PTPRD: variants seen among roughly 807,000 people sequenced by gnomAD.
PTPRD encodes the protein receptor-type tyrosine-protein phosphatase delta.
In PTPRD, 34 loss-of-function variants were observed where a neutral mutation model predicts 214.5. That is an observed-to-expected ratio of 0.16 (90% CI 0.12 to 0.21). PTPRD has a LOEUF of 0.21. PTPRD is among the 10% of genes least tolerant of loss of function. PTPRD has a pLI of 1.00. For synonymous variants in PTPRD, 1,128 were observed against 845.7 expected, an observed-to-expected ratio of 1.33 and a Z score of -5.79; for missense variants, 2,545 against 2,398.7, an observed-to-expected ratio of 1.06 and a Z score of -1.27.
chr9:8,506,910 T>C (rs1430086773), intron 22 of PTPRD, among the ~76,000 whole-genome samples: 1 of 152,138 alleles, frequency 6.6e-6, no homozygotes, highest in Non-Finnish European at 1.5e-5. Flanking sequence ...CATTAACATA[T>C]AGAGCTAATT....
At chr9:10,324,291 T>C (rs1305900591) in intron 3 of PTPRD, among the ~76,000 whole-genome samples, 1 of 151,998 alleles carries the variant, frequency 6.6e-6, no homozygotes, top group Non-Finnish European at 1.5e-5. Flanking sequence ...TTTAAACAAA[T>C]AGTATCAATG....
intron 7 of PTPRD, among the ~76,000 whole-genome samples, chr9:9,715,834 G>A (rs866234798): frequency 2.5e-4 from 38 of 151,988 alleles, no homozygotes; most frequent in African/African-American, 9.2e-4. Flanking sequence ...TCAAACTGTT[G>A]CTAAGAAGCT....
intron 7 of PTPRD, among the ~76,000 whole-genome samples, chr9:9,675,260 T>C (rs1253540734): frequency 3.3e-5 from 5 of 151,886 alleles, no homozygotes; most frequent in African/African-American, 1.2e-4. Flanking sequence ...TTTGTTTGTA[T>C]CAAAATCTGT....
chr9:8,338,328 T>G (rs1309033041), intron 43 of PTPRD, among the ~76,000 whole-genome samples: 1 of 151,970 alleles, frequency 6.6e-6, no homozygotes, highest in African/African-American at 2.4e-5. Context: ...ACAATCCAGA[T>G]AAGAAATGCA....
intron 3 of PTPRD, among the ~76,000 whole-genome samples, chr9:10,294,485 AT>A (rs2095619066): frequency 6.7e-6 from 1 of 148,556 alleles, no homozygotes; most frequent in Admixed American, 6.6e-5. Context: ...CAAAAGCCTT[AT>A]TTTTTTCCCA....
rs761358284 is a variant in PTPRD, at chr9:9,459,521, T to A, written c.-236-62039A>T. ...TCAATAAATTTTCAAGATACAAAATTAATACACAAAAATCAATTCCATTTC... is the reference window on the plus strand; with the variant it reads ...TCAATAAATTTTCAAGATACAAAATAAATACACAAAAATCAATTCCATTTC... On this transcript the variant is annotated intron_variant, in intron 8 of 45. Transcript: ENST00000381196. 7.9e-5 allele frequency among the ~76,000 whole-genome samples: 12 copies of A among 152,018 alleles called. 1 individual carries two copies. The highest frequency in any genetic ancestry group is 1.8e-4 in the Non-Finnish European group (12 of 67,980).
At chr9:9,151,757 C>T (rs1009646568) in intron 10 of PTPRD, among the ~76,000 whole-genome samples, 3 of 152,086 alleles carry the variant, frequency 2.0e-5, no homozygotes, top group African/African-American at 7.2e-5. Flanking sequence ...TCACAGATTG[C>T]TCAGTGCCTA....
At chr9:9,651,842 T>G (rs1355186949) in intron 7 of PTPRD, among the ~76,000 whole-genome samples, 8 of 136,548 alleles carry the variant, frequency 5.9e-5, no homozygotes, top group African/African-American at 1.9e-4. Context: ...TTTTTTTTTT[T>G]TTTTTTTTTT....
intron 3 of PTPRD, among the ~76,000 whole-genome samples, chr9:10,078,344 C>T (rs10958876): frequency 8.2e-6 from 1 of 121,644 alleles, no homozygotes; most frequent in African/African-American, 3.0e-5. Flanking sequence ...AACCCCATCT[C>T]TTCCAAAAAA....
chr9:9,750,234 T>C (rs2761708), intron 6 of PTPRD, among the ~76,000 whole-genome samples: 80,528 of 151,956 alleles, frequency 0.53, 24,492 homozygotes, highest in African/African-American at 0.82. Flanking sequence ...ATATACTTTA[T>C]GTAACTATTA....
chr9:10,384,003 G>A (rs2097865643), intron 2 of PTPRD, among the ~76,000 whole-genome samples: 1 of 150,042 alleles, frequency 6.7e-6, no homozygotes, highest in Non-Finnish European at 1.5e-5. Context: ...ACAGAGAGGA[G>A]AAGGATGGTT....
At chr9:9,952,077 A>C (rs998515533) in intron 4 of PTPRD, among the ~76,000 whole-genome samples, 1 of 152,302 alleles carries the variant, frequency 6.6e-6, no homozygotes, top group Admixed American at 6.5e-5. Context: ...TGAGGATGGT[A>C]GTAAAATTAG....
At chr9:10,085,606 G>A (rs970310734) in intron 3 of PTPRD, among the ~76,000 whole-genome samples, 3 of 145,064 alleles carry the variant, frequency 2.1e-5, no homozygotes, top group Admixed American at 6.6e-5. Context: ...GAGACACAGA[G>A]AAGAAAAGTG....
chr9:10,281,970 G>A (rs760187873), intron 3 of PTPRD, among the ~76,000 whole-genome samples: 12 of 150,558 alleles, frequency 8.0e-5, no homozygotes, highest in South Asian at 2.1e-4. Flanking sequence ...AATATTGGGG[G>A]CCTAAGTAGT....
chr9:9,182,754 G>A (rs2099928959), intron 10 of PTPRD, among the ~76,000 whole-genome samples: 1 of 151,950 alleles, frequency 6.6e-6, no homozygotes, highest in South Asian at 2.1e-4. Context: ...AAAGTAGTGA[G>A]AACTGAATGC....
chr9:10,014,425 C>A (rs1220714339), intron 4 of PTPRD, among the ~76,000 whole-genome samples: 1 of 151,942 alleles, frequency 6.6e-6, no homozygotes, highest in East Asian at 1.9e-4. Flanking sequence ...AGTCCAGTGA[C>A]CATGAAGCAT....
At chr9:8,353,905 T>C (rs2076264881) in intron 39 of PTPRD, among the ~76,000 whole-genome samples, 1 of 142,122 alleles carries the variant, frequency 7.0e-6, no homozygotes, top group Non-Finnish European at 1.5e-5. Flanking sequence ...TATATGTATA[T>C]ATGTGTATAT....
rs2096529876 is a variant in PTPRD, at chr9:8,465,624, C to A, written c.3556G>T (p.Val1186Phe). 2 of 1,612,266 alleles carry A rather than the reference C, an allele frequency of 1.2e-6. No homozygotes were observed. The highest frequency in any genetic ancestry group is 1.7e-5 in the Admixed American group (1 of 59,786). Residue 1186 changes from valine to phenylalanine, a missense_variant, in exon 32 of 46, where the codon GTT becomes TTT. Physicochemically the swap from Val to Phe is conservative, Grantham distance 50 (BLOSUM62 -1). Transcript: ENST00000381196. ...KRRSIRYGRE[V>F]ELKPYIAAHF... is the part of the protein sequence containing the mutation. Reference sequence around the variant, plus strand: ...GCGGCAATATATGGCTTTAATTCAACTTCTCTCCCATAACGGATGCTTCTG... The same window carrying A: ...GCGGCAATATATGGCTTTAATTCAAATTCTCTCCCATAACGGATGCTTCTG...
intron 11 of PTPRD, among the ~76,000 whole-genome samples, chr9:8,755,616 C>T (rs1209495405): frequency 2.6e-5 from 4 of 151,468 alleles, no homozygotes; most frequent in Non-Finnish European, 5.9e-5. Context: ...GTGGCATATT[C>T]ATAAAATCAA....
Sources: gnomAD v4.1 joint callset for allele counts (sites outside exome capture counted in the v4.1 genomes callset) on GRCh38, gnomAD v4.1.1 for gene constraint, MANE v1.5 for transcripts, NCBI Gene and HGNC (gene_info 2026-07-23, HGNC 2026-07-21) for gene names.